Variants in NREP observed in about 807,000 individuals in gnomAD.
The protein encoded by NREP is neuronal regeneration related protein.
A neutral mutation model predicts 8.6 loss-of-function variants in NREP; 5 were observed. The observed-to-expected ratio is 0.58, with a 90% CI of 0.30 to 1.22. The LOEUF (loss-of-function observed/expected upper bound fraction) is 1.22. NREP is among the 50% of genes most tolerant of loss of function. The probability of loss-of-function intolerance (pLI) is 0.07; values close to 1 mark genes in which losing one functional copy is unlikely to be tolerated. For synonymous variants in NREP, 27 were observed against 28.0 expected (o/e 0.96, Z 0.11); for missense variants, 86 against 82.5 (o/e 1.04, Z -0.17).
chr5:111,860,767 A>G (rs975281217), intron 2 of NREP, among the ~76,000 whole-genome samples: 1 of 152,220 alleles, frequency 6.6e-6, no homozygotes, highest in Non-Finnish European at 1.5e-5. Context: ...GATAATTCAT[A>G]TGAAAACACT....
intron 2 of NREP, among the ~76,000 whole-genome samples, chr5:111,900,315 T>A (rs547200425): frequency 1.3e-5 from 2 of 151,870 alleles, no homozygotes; most frequent in Non-Finnish European, 2.9e-5. Context: ...AATAAATGCC[T>A]AAATTAAAAA....
chr5:111,859,229 A>G (rs755347425), intron 2 of NREP, among the ~76,000 whole-genome samples: 3 of 152,178 alleles, frequency 2.0e-5, no homozygotes, highest in African/African-American at 4.8e-5. Context: ...GTCATTCTGA[A>G]CAAAGATTGT....
intron 2 of NREP, among the ~76,000 whole-genome samples, chr5:111,942,003 G>C (rs932225404): frequency 2.1e-4 from 32 of 152,030 alleles, no homozygotes; most frequent in African/African-American, 7.7e-4. Flanking sequence ...ACAACATTTT[G>C]TAGGATAGCA....
At chr5:111,827,891 C>T (rs779967923) in intron 2 of NREP, among the ~76,000 whole-genome samples, 10 of 152,138 alleles carry the variant, frequency 6.6e-5, no homozygotes, top group African/African-American at 9.7e-5. Context: ...AACCTATGTA[C>T]TCTCTGGAGA....
intron 2 of NREP, among the ~76,000 whole-genome samples, chr5:111,772,642 C>G (rs1751258355): frequency 6.6e-6 from 1 of 151,748 alleles, no homozygotes; most frequent in Admixed American, 6.6e-5. Flanking sequence ...CAGCCCCTCC[C>G]CCGAGACACC....
intron 2 of NREP, among the ~76,000 whole-genome samples, chr5:111,798,549 A>G (rs1377972873): frequency 1.3e-5 from 2 of 152,092 alleles, no homozygotes; most frequent in East Asian, 1.9e-4. Flanking sequence ...CCAAAGTCCA[A>G]TATTTCATTC....
chr5:111,779,928 T>C (rs1030770108), intron 2 of NREP, among the ~76,000 whole-genome samples: 4 of 152,328 alleles, frequency 2.6e-5, no homozygotes, highest in Admixed American at 2.0e-4. Context: ...AGAAGTTCTG[T>C]TCTTAGGCAT....
intron 2 of NREP, among the ~76,000 whole-genome samples, chr5:111,806,447 G>A (rs1752142483): frequency 6.6e-6 from 1 of 152,174 alleles, no homozygotes; most frequent in African/African-American, 2.4e-5. Context: ...TTACGATCGT[G>A]TGTTCATATT....
intron 2 of NREP, among the ~76,000 whole-genome samples, chr5:111,909,439 G>T (rs1161788182): frequency 6.6e-6 from 1 of 151,958 alleles, no homozygotes; most frequent in African/African-American, 2.4e-5. Flanking sequence ...TTATATTAAT[G>T]ATTATTTAAT....
intron 2 of NREP, among the ~76,000 whole-genome samples, chr5:111,848,615 G>A (rs1449118163): frequency 6.6e-6 from 1 of 152,098 alleles, no homozygotes; most frequent in African/African-American, 2.4e-5. Context: ...ATAGTGAGTT[G>A]TGGATGCTTC....
At chr5:111,819,013 T>C (rs144817107) in intron 2 of NREP, among the ~76,000 whole-genome samples, 20 of 152,322 alleles carry the variant, frequency 1.3e-4, no homozygotes, top group Non-Finnish European at 2.9e-4. Flanking sequence ...AACTCCAAGT[T>C]TCTCTTCAAA....
exon 2 of NREP, chr5:111,975,313 T>C (rs1581266298): frequency 5.8e-6 from 9 of 1,551,470 alleles, no homozygotes; most frequent in Non-Finnish European, 7.8e-6. Context: ...CCTGGAAACA[T>C]TTGGAACAAG....
chr5:111,765,672 T>G (rs1751065069), intron 2 of NREP, among the ~76,000 whole-genome samples: 2 of 152,224 alleles, frequency 1.3e-5, no homozygotes, highest in Admixed American at 1.3e-4. Flanking sequence ...CTCACCTTCG[T>G]TGCCGTGCCT....
intron 2 of NREP, among the ~76,000 whole-genome samples, chr5:111,828,885 C>T (rs950745626): frequency 1.1e-4 from 17 of 152,084 alleles, no homozygotes; most frequent in Admixed American, 2.6e-4. Flanking sequence ...AAGGTCACAG[C>T]CTGGTGGACA....
intron 2 of NREP, among the ~76,000 whole-genome samples, chr5:111,807,975 G>A (rs986897270): frequency 2.0e-5 from 3 of 152,082 alleles, no homozygotes; most frequent in African/African-American, 7.2e-5. Context: ...GTTAAATAAG[G>A]CATAAATGAG....
At chr5:111,865,224 C>A (rs1205501058) in intron 2 of NREP, among the ~76,000 whole-genome samples, 2 of 152,022 alleles carry the variant, frequency 1.3e-5, no homozygotes, top group Non-Finnish European at 2.9e-5. Context: ...ACAACAAAAG[C>A]CCTTAGTAAC....
chr5:111,894,044 C>A (rs1754452727), intron 2 of NREP, among the ~76,000 whole-genome samples: 1 of 151,906 alleles, frequency 6.6e-6, no homozygotes, highest in South Asian at 2.1e-4. Context: ...ATGATGAAAC[C>A]CCATCTGTAC....
At chr5:111,780,313 G>A (rs775045278) in intron 2 of NREP, among the ~76,000 whole-genome samples, 3 of 152,120 alleles carry the variant, frequency 2.0e-5, no homozygotes, top group Non-Finnish European at 4.4e-5. Flanking sequence ...ATTTAGCAGA[G>A]CTAAACTGAA....
At chr5:111,808,241 TCA>T (rs1437724252) in intron 2 of NREP, among the ~76,000 whole-genome samples, 5 of 152,244 alleles carry the variant, frequency 3.3e-5, no homozygotes, top group Admixed American at 6.5e-5. Context: ...CAGAAATTTC[TCA>T]CACTTACTCT....
Sources: allele counts gnomAD v4.1 joint callset (sites outside exome capture counted in the v4.1 genomes callset), GRCh38; gene constraint gnomAD v4.1.1; transcripts MANE v1.5; gene names NCBI Gene and HGNC (gene_info 2026-07-23, HGNC 2026-07-21).